PDE8B: variants seen among roughly 807,000 people sequenced by gnomAD.
PDE8B encodes phosphodiesterase 8B.
In PDE8B, 26 loss-of-function variants were observed where a neutral mutation model predicts 101.3. The observed-to-expected ratio is 0.26, with a 90% confidence interval of 0.19 to 0.36. The LOEUF (loss-of-function observed/expected upper bound fraction) is 0.36, where lower values mean the gene tolerates loss of function less well. Ranked by LOEUF, PDE8B falls within the 10% of genes least tolerant of loss-of-function variation. The pLI, the probability that PDE8B is intolerant of heterozygous loss-of-function variation, is 1.00. For missense variants in PDE8B, 810 were observed against 1,163.1 expected (o/e 0.70, Z 4.42); for synonymous variants, 424 against 429.3 (o/e 0.99, Z 0.15).
intron 1 of PDE8B, among the ~76,000 whole-genome samples, chr5:77,226,919 C>T (rs992330920): frequency 1.3e-5 from 2 of 152,174 alleles, no homozygotes; most frequent in African/African-American, 4.8e-5. Context: ...ATGATGGCAG[C>T]AAAGTGATTT....
At chr5:77,138,613 G>A in the PDE8B span, among the ~76,000 whole-genome samples, 4 of 152,150 alleles carry the variant, frequency 2.6e-5, no homozygotes, top group East Asian at 7.7e-4. Flanking sequence ...GACTTTTTAG[G>A]TTCCACTACT....
intron 1 of PDE8B, among the ~76,000 whole-genome samples, chr5:77,231,205 C>T (rs560898946): frequency 5.9e-5 from 9 of 152,188 alleles, no homozygotes; most frequent in East Asian, 3.9e-4. Flanking sequence ...TTTTGGAATG[C>T]GTTTTTTACC....
chr5:77,099,288 G>A, the PDE8B span, among the ~76,000 whole-genome samples: 196 of 152,328 alleles, frequency 1.3e-3, no homozygotes, highest in Non-Finnish European at 2.0e-3. Flanking sequence ...TACCACCTCA[G>A]GCAAGTATGA....
At chr5:77,264,515 T>G (rs1178033466) in intron 1 of PDE8B, among the ~76,000 whole-genome samples, 1 of 152,190 alleles carries the variant, frequency 6.6e-6, no homozygotes, top group Non-Finnish European at 1.5e-5. Flanking sequence ...CATGAACCAG[T>G]AATCAAATAT....
chr5:77,218,306 ATCTGCATGATTTTCCCTGT>A (rs1385368936), intron 1 of PDE8B, among the ~76,000 whole-genome samples: 2 of 152,204 alleles, frequency 1.3e-5, no homozygotes, highest in African/African-American at 4.8e-5. Flanking sequence ...GTTTCACCAA[ATCTGCATGATTTTCCCTGT>A]TCTGCTATGA....
At chr5:77,206,056 CA>C (rs1747477110), upstream of PDE8B, among the ~76,000 whole-genome samples, 1 of 150,330 alleles carries the variant, frequency 6.7e-6, no homozygotes, top group African/African-American at 2.5e-5. Flanking sequence ...ACTAAAAACA[CA>C]GAGCATAAAA....
Position 77,305,883 on chromosome 5 carries a change from C to T in PDE8B, c.340-6111C>T, listed in dbSNP as rs76162092. On this transcript the variant is annotated intron_variant, in intron 1 of 21. Coordinates refer to ENST00000264917, the MANE Select transcript of PDE8B (RefSeq NM_003719.5). ...TGTGAAATGATCTTCACCGTGGACC[C>T]GTCACAAAGTGCAAGTCAAGCTTGC... is the stretch of plus-strand genomic sequence containing the variant. Among the ~76,000 whole-genome samples, 1,510 of 152,278 alleles carry T rather than the reference C, an allele frequency of 9.9e-3. 17 individuals carry two copies. The highest frequency in any genetic ancestry group is 0.017 in the Middle Eastern group (5 of 294).
At position 77,300,222 on chromosome 5, in the gene PDE8B, G is replaced by C. The variant is rs1168965283; in HGVS notation, c.340-11772G>C. 5.3e-5 allele frequency among the ~76,000 whole-genome samples: 8 copies of C among 152,296 alleles called. No individual in the cohort carries two copies. In the East Asian group the frequency reaches 9.6e-4, roughly 18 times the overall value. On this transcript the variant is annotated intron_variant, in intron 1 of 21. Coordinates refer to ENST00000264917, the MANE Select transcript of PDE8B (RefSeq NM_003719.5). ...CCTTGTTCTCATTCCTCTCTTAGAC[G>C]AGAATACGTTACTCAGCCTGTTCTG...
At chr5:77,424,838 T>TTTA (rs1457443800) in intron 20 of PDE8B, among the ~76,000 whole-genome samples, 116 of 151,542 alleles carry the variant, frequency 7.7e-4, no homozygotes, top group African/African-American at 2.8e-3. Context: ...TTTTTGTTTT[T>TTTA]AATGTGAGAC....
chr5:77,118,305 T>C, the PDE8B span: 1 of 398,420 alleles, frequency 2.5e-6, no homozygotes, highest in Admixed American at 4.4e-5. Context: ...TTTATTGTTG[T>C]TGTTGTTGTT....
At chr5:77,387,987 C>T (rs1789091828) in intron 10 of PDE8B, among the ~76,000 whole-genome samples, 1 of 151,964 alleles carries the variant, frequency 6.6e-6, no homozygotes, top group Non-Finnish European at 1.5e-5. Flanking sequence ...AACCTTTTTT[C>T]AAGGTTCTTA....
At chr5:77,088,954 C>T in the PDE8B span, among the ~76,000 whole-genome samples, 1 of 152,126 alleles carries the variant, frequency 6.6e-6, no homozygotes, top group Admixed American at 6.6e-5. Context: ...TGAATAATAT[C>T]CTTAAAAGAA....
At chr5:77,403,367 T>TC (rs1197431271) in intron 11 of PDE8B, among the ~76,000 whole-genome samples, 5 of 152,200 alleles carry the variant, frequency 3.3e-5, no homozygotes, top group African/African-American at 1.2e-4. Flanking sequence ...TTTCCTGTGA[T>TC]CAGCAGTATG....
intron 10 of PDE8B, among the ~76,000 whole-genome samples, chr5:77,363,140 C>T (rs928013554): frequency 6.6e-6 from 1 of 152,216 alleles, no homozygotes; most frequent in South Asian, 2.1e-4. Flanking sequence ...TTAACTCCTG[C>T]AATCCTTACC....
chr5:77,175,844 TGTG>T, the PDE8B span, among the ~76,000 whole-genome samples: 1 of 152,250 alleles, frequency 6.6e-6, no homozygotes, highest in African/African-American at 2.4e-5. Flanking sequence ...TGTATATAAA[TGTG>T]TGTATATCTA....
At chr5:77,201,328 T>A in the PDE8B span, among the ~76,000 whole-genome samples, 1 of 152,224 alleles carries the variant, frequency 6.6e-6, no homozygotes, top group African/African-American at 2.4e-5. Flanking sequence ...GACATATCTA[T>A]CTGTCCTCCT....
chr5:77,138,255 G>A, the PDE8B span, among the ~76,000 whole-genome samples: 1 of 151,938 alleles, frequency 6.6e-6, no homozygotes, highest in African/African-American at 2.4e-5. Flanking sequence ...AAGCCACATG[G>A]ATGGTTTCTT....
chr5:77,124,585 C>CA, the PDE8B span, among the ~76,000 whole-genome samples: 2,834 of 122,380 alleles, frequency 0.023, 88 homozygotes, highest in African/African-American at 0.089. Flanking sequence ...GACACTGTCT[C>CA]AAAAAAAAAA....
intron 2 of PDE8B, among the ~76,000 whole-genome samples, chr5:77,318,897 C>A (rs1774417422): frequency 6.6e-6 from 1 of 152,210 alleles, no homozygotes. Flanking sequence ...CACATAGATA[C>A]ACCCTCATTT....
Sources: gnomAD v4.1 joint callset for allele counts (sites outside exome capture counted in the v4.1 genomes callset) on GRCh38, gnomAD v4.1.1 for gene constraint, MANE v1.5 for transcripts, NCBI Gene and HGNC (gene_info 2026-07-23, HGNC 2026-07-21) for gene names.